Variants in ALS2 observed in about 807,000 individuals in gnomAD.
ALS2 encodes the protein alsin.
ALS2 carries 117 observed loss-of-function variants against 203.4 expected under a neutral mutation model. That is an observed-to-expected ratio of 0.58 (90% CI 0.50 to 0.67). The LOEUF (loss-of-function observed/expected upper bound fraction) is 0.67. Among genes scored for constraint, ALS2 ranks in the 30% least tolerant of loss-of-function variants. The probability of loss-of-function intolerance (pLI) is 0.00; values close to 1 mark genes in which losing one functional copy is unlikely to be tolerated. For synonymous variants in ALS2, 718 were observed against 725.9 expected (o/e 0.99, Z 0.17); for missense variants, 1,715 against 1,989.4 (o/e 0.86, Z 2.62).
chr2:201,741,993 C>T (rs941954096), intron 10 of ALS2, 139 bp from the exon 11 acceptor site: 11 of 787,006 alleles, frequency 1.4e-5, no homozygotes, highest in Non-Finnish European at 2.1e-5. Context: ...CAAATGATTA[C>T]AGTATTAAAG....
At chr2:201,704,066 G>A in intron 33 of ALS2, 56 bp downstream of exon 33, 1 of 1,459,900 alleles carries the variant, frequency 6.8e-7, no homozygotes, top group Non-Finnish European at 9.5e-7. Flanking sequence ...TTTATAATAT[G>A]GTAAATGAAA....
At chr2:201,735,227 G>T (rs933270469) in intron 12 of ALS2, among the ~76,000 whole-genome samples, 5 of 151,582 alleles carry the variant, frequency 3.3e-5, no homozygotes, top group African/African-American at 1.2e-4. Flanking sequence ...ACAGTATGGG[G>T]GGAGTTATTA....
At chr2:201,714,925 C>T (rs13384229) in intron 25 of ALS2, among the ~76,000 whole-genome samples, 30,857 of 152,078 alleles carry the variant, frequency 0.2, 3,602 homozygotes, top group East Asian at 0.39. Context: ...TTTTCTGGTT[C>T]GCAGGCACCC....
rs11887912 is a variant in ALS2 at position 201,775,823 on chromosome 2, A to C, written c.-61+5054T>G. Among the ~76,000 whole-genome samples the C allele has an allele frequency of 4.2e-3, 633 of 152,352 alleles. 6 individuals carry two copies. Among genetic ancestry groups the C allele is most frequent in the African/African-American group, 0.014 (591 of 41,586 alleles). Reference sequence around the variant, plus strand: ...ATATATTCGGTAGGCTGGCCTAGAAAGCTACTTATTAGTTATAATGTTGTT... The same window carrying C: ...ATATATTCGGTAGGCTGGCCTAGAACGCTACTTATTAGTTATAATGTTGTT... On this transcript the variant is annotated intron_variant, in intron 1 of 33. Coordinates refer to ENST00000264276, the MANE Select transcript of ALS2 (RefSeq NM_020919.4).
At position 201,756,245 on chromosome 2, in the gene ALS2, G is replaced by T. The variant is rs116171754; in HGVS notation, c.1471+1157C>A. Among the ~76,000 whole-genome samples the T allele has an allele frequency of 4.1e-3, 622 of 151,662 alleles. 4 individuals are homozygous for T. Among genetic ancestry groups the T allele is most frequent in the Admixed American group, 8.3e-3 (126 of 15,202 alleles). ...GACACTTAAGAATAAGAAAAGTTTG[G>T]TGCAAGATTCTCCTTCAGATTTAAT... On this transcript the variant is annotated intron_variant, in intron 5 of 33. Coordinates refer to ENST00000264276, the MANE Select transcript of ALS2 (RefSeq NM_020919.4).
chr2:201,709,082 C>T (rs1689885615), intron 27 of ALS2, among the ~76,000 whole-genome samples: 1 of 152,218 alleles, frequency 6.6e-6, no homozygotes, highest in African/African-American at 2.4e-5. Flanking sequence ...ATAGTATTTA[C>T]TTGTTGGCTT....
At chr2:201,744,080 A>C (rs1281624100) in intron 10 of ALS2, among the ~76,000 whole-genome samples, 178 bp downstream of exon 10, 1 of 152,300 alleles carries the variant, frequency 6.6e-6, no homozygotes, top group East Asian at 1.9e-4. Context: ...AGGGGCAGTG[A>C]GGCTATTGAC....
chr2:201,712,202 A>G (rs1030028), intron 25 of ALS2, among the ~76,000 whole-genome samples: 136,132 of 152,240 alleles, frequency 0.89, 61,072 homozygotes, highest in East Asian at 0.98. Flanking sequence ...CAATTAGATA[A>G]ACTCTAAACT....
intron 12 of ALS2, among the ~76,000 whole-genome samples, chr2:201,735,335 T>C (rs1691810275): frequency 6.6e-6 from 1 of 152,206 alleles, no homozygotes; most frequent in African/African-American, 2.4e-5. Flanking sequence ...TGTACACTTA[T>C]TAGTGTACAA....
At chr2:201,735,926 A>G (rs1259355757) in intron 12 of ALS2, among the ~76,000 whole-genome samples, 3 of 152,208 alleles carry the variant, frequency 2.0e-5, no homozygotes, top group African/African-American at 7.2e-5. Context: ...ATTTGCAAAA[A>G]TAACTATTGA....
At chr2:201,765,218 T>C (rs1694017266) in intron 3 of ALS2, among the ~76,000 whole-genome samples, 1 of 152,144 alleles carries the variant, frequency 6.6e-6, no homozygotes, top group South Asian at 2.1e-4. Context: ...CCAGGAAACA[T>C]GGTCTCCTTA....
intron 29 of ALS2, 116 bp downstream of exon 29, chr2:201,706,730 C>CA: frequency 1.9e-6 from 2 of 1,077,320 alleles, no homozygotes; most frequent in Non-Finnish European, 2.7e-6. Context: ...AAGACATATG[C>CA]AAAAAATAAT....
rs1315690669 is a variant in ALS2 at position 201,706,734 on chromosome 2, AAAT to A, written c.4580+109_4580+111del. On this transcript the variant is annotated intron_variant, in intron 29 of 33. Transcript: ENST00000264276. ...TTTTGTTAAAGAAGACATATGCAAA[AAAT>A]AATTACAAGCCATATATATAATTAG... The A allele has an allele frequency of 4.4e-6, 5 of 1,129,200 alleles. No individual in the cohort carries two copies. In the Admixed American group the frequency reaches 8.1e-5, roughly 18 times the overall value. 69.9% of individuals were successfully genotyped at this position (1,129,200 alleles called of 1,614,324 possible). A position where few individuals can be genotyped will look rare whatever the true frequency, so the allele number is the denominator to read the frequency against.
At chr2:201,754,276 G>T (rs1693250327) in intron 6 of ALS2, among the ~76,000 whole-genome samples, 1 of 152,116 alleles carries the variant, frequency 6.6e-6, no homozygotes, top group Non-Finnish European at 1.5e-5. Flanking sequence ...GTCTTCCAAA[G>T]CACTAGGATT....
In ALS2 at chr2:201,746,679, C is replaced by T. The variant is rs748812008; in HGVS notation, c.1885G>A (p.Glu629Lys). 13 of 1,614,034 alleles carry T rather than the reference C, an allele frequency of 8.1e-6. No homozygotes were observed. Among genetic ancestry groups the T allele is most frequent in the African/African-American group, 1.3e-5 (1 of 74,908 alleles). ...RDYSLFLVDT[E>K]DFQPGLYYSG... ...TAATATAACCCAGGCTGGAAGTCTTCTGTATCCACTAAAAACAGGGAATAA... is the reference window on the plus strand; with the variant it reads ...TAATATAACCCAGGCTGGAAGTCTTTTGTATCCACTAAAAACAGGGAATAA... Residue 629 changes from glutamate (E) to lysine (K), a missense_variant, in exon 9 of 34, where the codon GAA (glutamate) becomes AAA (lysine). Transcript: ENST00000264276.
Position 201,759,611 on chromosome 2 carries a change from C to T in ALS2, c.1113+1270G>A, listed in dbSNP as rs576121882. The stretch of plus-strand genomic sequence containing the variant: ...CATTCTTGTTAAACTACTACTTTTG[C>T]TTTGTTCAGACTTTATAATACCTTT... On this transcript the variant is annotated intron_variant, in intron 4 of 33. Coordinates refer to ENST00000264276, the MANE Select transcript of ALS2 (RefSeq NM_020919.4). 1.0e-4 allele frequency: 99 copies of T among 984,622 alleles called. No individual in the cohort carries two copies. The African/African-American group carries it at 1.6e-3, about 16-fold the overall frequency. The allele number at this position is 984,622 out of a possible 1,614,324, so 61.0% of individuals were successfully genotyped here.
In ALS2 at chr2:201,761,095, G is replaced by C. The variant is rs1305096953; in HGVS notation, c.899C>G (p.Ser300Cys). The change falls in exon 4 of 34, where the codon TCT (serine) becomes TGT (cysteine). Residue 300 changes from serine (S) to cysteine (C), a missense_variant. Physicochemically the swap from Ser to Cys is moderately radical, Grantham distance 112. Transcript: ENST00000264276. ...TACTGCATTCAGTTCAGTAGCAACA[G>C]ACTGATCATTTGCTACAAGAGTGTT... ...FENTLVANDQ[S>C]VATELNAVSA... 2.5e-6 allele frequency: 4 copies of C among 1,614,178 alleles called. No individual in the cohort carries two copies. The highest frequency in any genetic ancestry group is 3.4e-6 in the Non-Finnish European group (4 of 1,180,030).
intron 23 of ALS2, among the ~76,000 whole-genome samples, chr2:201,719,416 C>T (rs916569822): frequency 7.2e-5 from 11 of 152,098 alleles, no homozygotes; most frequent in Non-Finnish European, 1.6e-4. Flanking sequence ...TGGTGAAGCC[C>T]CGTCTCTACT....
At position 201,735,933 on chromosome 2, in the gene ALS2, T is replaced by C. The variant is rs759666412; in HGVS notation, c.2418-2495A>G. ...GCATTACTATTTGCAAAAATAACTATTGAATTTTCTTTCTGCTCCATTTAA... is the reference window on the plus strand; with the variant it reads ...GCATTACTATTTGCAAAAATAACTACTGAATTTTCTTTCTGCTCCATTTAA... On this transcript the variant is annotated intron_variant, in intron 12 of 33. Coordinates refer to ENST00000264276, the MANE Select transcript of ALS2 (RefSeq NM_020919.4). Among the ~76,000 whole-genome samples the C allele has an allele frequency of 2.8e-4, 42 of 152,242 alleles. 1 individual carries two copies. Among genetic ancestry groups the C allele is most frequent in the Non-Finnish European group, 3.7e-4 (25 of 68,042 alleles).
Sources: gnomAD v4.1 joint callset for allele counts (sites outside exome capture counted in the v4.1 genomes callset) on GRCh38, gnomAD v4.1.1 for gene constraint, MANE v1.5 for transcripts, NCBI Gene and HGNC (gene_info 2026-07-23, HGNC 2026-07-21) for gene names.